USP37: variants seen among roughly 807,000 people sequenced by gnomAD.
USP37 encodes ubiquitin specific peptidase 37.
In USP37, 27 loss-of-function variants were observed where a neutral mutation model predicts 124.0. The ratio of observed to expected loss-of-function variants is 0.22; its 90% CI spans 0.16 to 0.30. USP37 has a LOEUF of 0.30. USP37 is among the 10% of genes least tolerant of loss of function. The probability of loss-of-function intolerance (pLI) is 1.00; values close to 1 mark genes in which losing one functional copy is unlikely to be tolerated. For synonymous variants in USP37, 365 were observed against 388.0 expected, an observed-to-expected ratio of 0.94 and a Z score of 0.70; for missense variants, 889 against 1,140.4, an observed-to-expected ratio of 0.78 and a Z score of 3.17.
intron 16 of USP37, among the ~76,000 whole-genome samples, chr2:218,484,158 G>A (rs1433432559): frequency 6.6e-6 from 1 of 151,784 alleles, no homozygotes. Context: ...GACTCTGTTT[G>A]AAAAAAACAA....
At chr2:218,522,820 G>T (rs1170235330) in intron 10 of USP37, among the ~76,000 whole-genome samples, 2 of 152,052 alleles carry the variant, frequency 1.3e-5, no homozygotes, top group African/African-American at 4.8e-5. Context: ...AGTACAGGTT[G>T]AGTATCCCTG....
chr2:218,518,968 A>C (rs13014473), intron 10 of USP37, among the ~76,000 whole-genome samples: 8,626 of 152,260 alleles, frequency 0.057, 359 homozygotes, highest in East Asian at 0.12. Flanking sequence ...TTACCAAAAG[A>C]AGCCCACAGA....
chr2:218,507,127 T>G (rs1475258553), intron 11 of USP37, among the ~76,000 whole-genome samples: 1 of 151,752 alleles, frequency 6.6e-6, no homozygotes, highest in South Asian at 2.1e-4. Context: ...TATTTTCAAG[T>G]GCTTCTTTCA....
chr2:218,462,590 T>C (rs1574837350), intron 22 of USP37, among the ~76,000 whole-genome samples: 1 of 152,260 alleles, frequency 6.6e-6, no homozygotes, highest in Middle Eastern at 3.4e-3. Context: ...GAATAAGCTC[T>C]TGAAAATTCA....
At chr2:218,485,815 T>TA in intron 15 of USP37, 72 bp from the exon 16 acceptor site, 1 of 1,485,150 alleles carries the variant, frequency 6.7e-7, no homozygotes, top group Non-Finnish European at 9.2e-7. Flanking sequence ...TAATTTGCTC[T>TA]AGTCTTATTA....
chr2:218,531,382 A>G (rs1442611453), intron 9 of USP37, among the ~76,000 whole-genome samples: 1 of 152,254 alleles, frequency 6.6e-6, no homozygotes, highest in Non-Finnish European at 1.5e-5. Context: ...TGATTTAATC[A>G]ATATTTTAAG....
At chr2:218,556,669 G>A (rs1247110837) in intron 4 of USP37, among the ~76,000 whole-genome samples, 4 of 151,494 alleles carry the variant, frequency 2.6e-5, no homozygotes, top group Admixed American at 6.6e-5. Context: ...GCCCACTACC[G>A]TGCCTGCTAA....
intron 22 of USP37, 51 bp downstream of exon 22, chr2:218,463,255 G>A (rs372838585): frequency 2.7e-6 from 4 of 1,484,786 alleles, no homozygotes; most frequent in East Asian, 4.6e-5. Context: ...TCTTCTATGT[G>A]TGAATGGTAA....
At chr2:218,549,569 A>G (rs1692551466) in intron 6 of USP37, among the ~76,000 whole-genome samples, 1 of 151,280 alleles carries the variant, frequency 6.6e-6, no homozygotes, top group Non-Finnish European at 1.5e-5. Flanking sequence ...GGTTCAAGCA[A>G]TTCTCCTGCC....
chr2:218,565,125 G>A (rs751860220), intron 1 of USP37, among the ~76,000 whole-genome samples: 7 of 152,164 alleles, frequency 4.6e-5, no homozygotes, highest in Non-Finnish European at 1.0e-4. Flanking sequence ...GTTTTGCCAT[G>A]TTGCCCAGGC....
At position 218,450,382 on chromosome 2, in the gene USP37, G is replaced by A. The variant is rs1042132461; in HGVS notation, c.*4548C>T. On this transcript the variant is annotated 3_prime_UTR_variant, in exon 26 of 26. Transcript: ENST00000258399. ...CTGCTAAAACACAGATAAAAGTGCC[G>A]CTCCATACAAAACATAAAGAATCAG... 1 of 152,498 alleles carries A rather than the reference G, an allele frequency of 6.6e-6. No homozygotes were observed. Among genetic ancestry groups the A allele is most frequent in the African/African-American group, 2.4e-5 (1 of 41,418 alleles). 9.4% of individuals were successfully genotyped at this position (152,498 alleles called of 1,614,324 possible).
chr2:218,463,512 A>C, intron 21 of USP37, 146 bp from the exon 22 acceptor site: 1 of 525,030 alleles, frequency 1.9e-6, no homozygotes, highest in South Asian at 2.5e-5. Flanking sequence ...CTTTTGAGGA[A>C]TGTGGGGAAG....
chr2:218,496,634 C>G (rs1176504829), intron 13 of USP37, among the ~76,000 whole-genome samples: 10 of 40,654 alleles, frequency 2.5e-4, no homozygotes, highest in Non-Finnish European at 4.5e-4. Flanking sequence ...TACTACAGCT[C>G]CTTAGGTTTT....
At chr2:218,459,064 A>AG (rs1206007396) in intron 23 of USP37, among the ~76,000 whole-genome samples, 5 of 99,638 alleles carry the variant, frequency 5.0e-5, no homozygotes, top group African/African-American at 1.6e-4. Flanking sequence ...CAATTATTTA[A>AG]GGGGGGAAAA....
Position 218,479,770 on chromosome 2 carries a change from T to C in USP37, c.1836-55A>G, listed in dbSNP as rs1042974633. ...ATACAAATGAATTATTAAAGATATA[T>C]ATTTAAATTATAAAATGAATTATTC... On this transcript the variant is annotated intron_variant, in intron 17 of 25. Coordinates refer to ENST00000258399, the MANE Select transcript of USP37 (RefSeq NM_020935.3). 8.0e-5 allele frequency: 81 copies of C among 1,018,400 alleles called. 1 individual carries two copies. The highest frequency in any genetic ancestry group is 3.5e-4 in the Middle Eastern group (1 of 2,826). The allele number at this position is 1,018,400 out of a possible 1,614,324, so 63.1% of individuals were successfully genotyped here.
At chr2:218,479,583 A>G (rs1438726720) in intron 18 of USP37, 67 bp downstream of exon 18, 6 of 1,292,340 alleles carry the variant, frequency 4.6e-6, no homozygotes, top group East Asian at 2.3e-5. Context: ...CAGGGAGGCA[A>G]TCTTGGAGAT....
intron 1 of USP37, among the ~76,000 whole-genome samples, chr2:218,563,423 A>G (rs1693420692): frequency 6.6e-6 from 1 of 152,228 alleles, no homozygotes; most frequent in African/African-American, 2.4e-5. Context: ...TCAGTGAGAA[A>G]GAATATGTCC....
At chr2:218,544,459 A>AGAGAGAGAGAGAGAGAGAGG (rs1457872657) in intron 8 of USP37, among the ~76,000 whole-genome samples, 7 of 143,300 alleles carry the variant, frequency 4.9e-5, no homozygotes, top group African/African-American at 1.8e-4. Flanking sequence ...AGAGAGAGAG[A>AGAGAGAGAGAGAGAGAGAGG]GACCCCAATT....
At chr2:218,495,655 C>T (rs1487273276) in intron 14 of USP37, 105 bp downstream of exon 14, 1 of 1,304,106 alleles carries the variant, frequency 7.7e-7, no homozygotes, top group African/African-American at 1.5e-5. Flanking sequence ...GAGACCCTGT[C>T]TTAAAAACAG....
Sources: allele counts gnomAD v4.1 joint callset (sites outside exome capture counted in the v4.1 genomes callset), GRCh38; gene constraint gnomAD v4.1.1; transcripts MANE v1.5; gene names NCBI Gene and HGNC (gene_info 2026-07-23, HGNC 2026-07-21).